ZFR2: variants seen among roughly 807,000 people sequenced by gnomAD.
ZFR2 encodes the protein zinc finger RNA-binding protein 2.
ZFR2 carries 104 observed loss-of-function variants against 105.7 expected under a neutral mutation model. The ratio of observed to expected loss-of-function variants is 0.98; its 90% CI spans 0.84 to 1.16. The LOEUF is 1.16. ZFR2 is among the 50% of genes most tolerant of loss of function. The probability of loss-of-function intolerance (pLI) is 0.00; values close to 1 mark genes in which losing one functional copy is unlikely to be tolerated. For missense variants in ZFR2, 1,425 were observed against 1,355.5 expected (o/e 1.05, Z -0.80); for synonymous variants, 634 against 597.7 (o/e 1.06, Z -0.89).
chr19:3,846,992 C>T (rs1287776874), intron 1 of ZFR2, among the ~76,000 whole-genome samples: 5 of 152,316 alleles, frequency 3.3e-5, no homozygotes, highest in Non-Finnish European at 7.3e-5. Context: ...GAGAGGTCAG[C>T]GGCGGGCAGC....
chr19:3,818,503 C>T (rs2037849684), intron 12 of ZFR2, among the ~76,000 whole-genome samples: 2 of 152,134 alleles, frequency 1.3e-5, no homozygotes, highest in South Asian at 4.1e-4. Flanking sequence ...CAACAACAAA[C>T]AGCAGCTGCC....
At chr19:3,819,804 G>A (rs141089305) in intron 11 of ZFR2, among the ~76,000 whole-genome samples, 227 of 147,760 alleles carry the variant, frequency 1.5e-3, no homozygotes, top group African/African-American at 5.4e-3. Flanking sequence ...GTGAGGCCAC[G>A]ATTGCACCGC....
chr19:3,831,822 G>A lies in ZFR2; in HGVS notation c.436C>T (p.Pro146Ser). The change falls in exon 4 of 19, where the codon CCC becomes TCC. Residue 146 changes from proline (P) to serine (S), a missense_variant. Transcript: ENST00000262961. ...TCCACTATGGGCGCCTGCTGTGGGGGCTGAGCGTGGCTGTGACTGCCATGG... is the reference window on the plus strand; with the variant it reads ...TCCACTATGGGCGCCTGCTGTGGGGACTGAGCGTGGCTGTGACTGCCATGG... ...SPHGSHSHAQ[P>S]PQQAPIVESG... The A allele has an allele frequency of 6.2e-7, 1 of 1,606,548 alleles. No individual in the cohort carries two copies.
At position 3,834,839 on chromosome 19, in the gene ZFR2, C is replaced by T. The variant is rs575647050; in HGVS notation, c.198G>A (p.Gln66=). Residue 66 remains glutamine, a synonymous_variant, in exon 2 of 19, where the codon CAG becomes CAA. Transcript: ENST00000262961. This position sits in a 1 kb window ranked among gnomAD's most constrained non-coding sequence, Gnocchi z 5.3. ...GGGGTCGGCTGCCGTAGGCGAAGTC[C>T]TGGCCGGAGTGGGGCTGGTATCCAC... is the stretch of plus-strand genomic sequence containing the variant. ...GYGGYQPHSG[Q]DFAYGSRPQE... The T allele has an allele frequency of 5.0e-6, 8 of 1,612,134 alleles. No individual in the cohort carries two copies. Among genetic ancestry groups the T allele is most frequent in the Non-Finnish European group, 5.9e-6 (7 of 1,179,426 alleles).
chr19:3,868,907 G>A (rs988880428), intron 1 of ZFR2, 58 bp downstream of exon 1: 10 of 1,222,950 alleles, frequency 8.2e-6, no homozygotes, highest in Non-Finnish European at 1.0e-5. Context: ...GGTAGGCGGG[G>A]TCCCGGCCAG....
intron 18 of ZFR2, 133 bp from the exon 19 acceptor site, chr19:3,806,258 G>A (rs1221592831): frequency 7.9e-6 from 8 of 1,009,354 alleles, no homozygotes; most frequent in East Asian, 3.2e-5. Flanking sequence ...GATAGCCCCC[G>A]GCCCCCCGCC....
intron 11 of ZFR2, among the ~76,000 whole-genome samples, 164 bp downstream of exon 11, chr19:3,820,018 T>C (rs957860743): frequency 7.3e-5 from 11 of 151,404 alleles, no homozygotes; most frequent in Middle Eastern, 3.5e-3. Context: ...GGGGCTGGGG[T>C]GCTGGGGCTC....
At chr19:3,833,804 A>G in intron 2 of ZFR2, 26 bp from the exon 3 acceptor site, 1 of 1,544,398 alleles carries the variant, frequency 6.5e-7, no homozygotes, top group Non-Finnish European at 8.8e-7. Flanking sequence ...GGCAGGAGAG[A>G]GACAGAGAAC....
At chr19:3,814,174 A>G (rs954344529) in intron 13 of ZFR2, among the ~76,000 whole-genome samples, 8 of 152,192 alleles carry the variant, frequency 5.3e-5, no homozygotes, top group South Asian at 2.1e-4. Flanking sequence ...ATATGTACAG[A>G]CAACAGATCA....
In ZFR2 at chr19:3,821,327, C is replaced by A. The variant is rs758244921; in HGVS notation, c.1631+13G>T. The A allele has an allele frequency of 6.4e-7, 1 of 1,570,334 alleles. No individual in the cohort carries two copies. Among genetic ancestry groups the A allele is most frequent in the Non-Finnish European group, 8.6e-7 (1 of 1,162,556 alleles). ...CTCACCAGGCCCCCTTGCCAAGACC[C>A]GCAGCCGGGCACCTCCTCTCCGCGT... On this transcript the variant is annotated intron_variant, in intron 10 of 18. Transcript: ENST00000262961.
intron 13 of ZFR2, among the ~76,000 whole-genome samples, chr19:3,816,243 CT>C (rs58609703): frequency 0.022 from 2,529 of 115,028 alleles, 48 homozygotes; most frequent in African/African-American, 0.074. Flanking sequence ...CTTCTTGTAT[CT>C]TTTTTTTTTT....
chr19:3,863,663 G>C (rs2038398225), intron 1 of ZFR2, among the ~76,000 whole-genome samples: 1 of 152,186 alleles, frequency 6.6e-6, no homozygotes, highest in Non-Finnish European at 1.5e-5. Context: ...TAGCAGGGCA[G>C]GGGCAGGTGA....
At chr19:3,829,380 T>G (rs552342488) in intron 5 of ZFR2, among the ~76,000 whole-genome samples, 62 of 152,212 alleles carry the variant, frequency 4.1e-4, no homozygotes, top group Non-Finnish European at 7.1e-4. Context: ...GAGAAGACTC[T>G]GGAAGGATAC....
chr19:3,831,264 A>T (rs1311025033), intron 5 of ZFR2, 39 bp downstream of exon 5: 1 of 1,459,876 alleles, frequency 6.8e-7, no homozygotes, highest in Non-Finnish European at 9.0e-7. Context: ...GGGGACAGAG[A>T]GGTCCCTGGG....
rs753501841 is a variant in ZFR2, at chr19:3,823,031, G to T, written c.1371+215C>A. ...TCGGCCTGTCTCTGGCCCTCACGGG[G>T]CCATATTCATTTCCTGCTGATACCA... On this transcript the variant is annotated intron_variant, in intron 8 of 18. Coordinates refer to ENST00000262961, the MANE Select transcript of ZFR2 (RefSeq NM_015174.2). This position sits in a 1 kb window ranked among gnomAD's most constrained non-coding sequence, Gnocchi z 5.4. Among the ~76,000 whole-genome samples, 9 of 152,358 alleles carry T rather than the reference G, an allele frequency of 5.9e-5. No individual in the cohort carries two copies. Among genetic ancestry groups the T allele is most frequent in the South Asian group, 4.1e-4 (2 of 4,832 alleles).
intron 14 of ZFR2, 49 bp from the exon 15 acceptor site, chr19:3,811,415 C>A: frequency 6.6e-7 from 1 of 1,526,548 alleles, no homozygotes. Context: ...CCTCGTCCCG[C>A]TCTGCTGCCG....
At chr19:3,831,627 G>A (rs766203954) in intron 4 of ZFR2, 33 bp downstream of exon 4, 2 of 1,521,616 alleles carry the variant, frequency 1.3e-6, no homozygotes, top group Admixed American at 2.0e-5. Flanking sequence ...GGACCGACGG[G>A]CAGACCACCT....
intron 1 of ZFR2, among the ~76,000 whole-genome samples, chr19:3,842,598 A>G (rs1599244924): frequency 6.6e-6 from 1 of 151,886 alleles, no homozygotes; most frequent in African/African-American, 2.4e-5. Flanking sequence ...TGTCACTTCA[A>G]TGCATTTCAG....
intron 14 of ZFR2, among the ~76,000 whole-genome samples, chr19:3,812,129 A>T (rs2037772321): frequency 6.6e-6 from 1 of 151,984 alleles, no homozygotes; most frequent in African/African-American, 2.4e-5. Flanking sequence ...TTTTTAGTAG[A>T]GACAGCGTTT....
Sources: allele counts gnomAD v4.1 joint callset (sites outside exome capture counted in the v4.1 genomes callset), GRCh38; gene constraint gnomAD v4.1.1; non-coding constraint Gnocchi (gnomAD v3.1); transcripts MANE v1.5; gene names NCBI Gene and HGNC (gene_info 2026-07-23, HGNC 2026-07-21).